Variants in FRY observed in about 807,000 individuals in gnomAD.
The protein encoded by FRY is FRY microtubule binding protein, also known as protein furry homolog.
FRY carries 128 observed loss-of-function variants against 348.4 expected under a neutral mutation model. The observed-to-expected ratio is 0.37, with a 90% CI of 0.32 to 0.43. The LOEUF (loss-of-function observed/expected upper bound fraction) is 0.43, where lower values mean the gene tolerates loss of function less well. Among genes scored for constraint, FRY ranks in the 20% least tolerant of loss-of-function variants. The pLI is 1.00. For missense variants in FRY, 2,736 were observed against 3,695.2 expected (o/e 0.74, Z 6.73); for synonymous variants, 1,370 against 1,374.7 (o/e 1.00, Z 0.08).
intron 17 of FRY, 60 bp downstream of exon 17, chr13:32,161,311 A>G: frequency 9.9e-7 from 1 of 1,014,080 alleles, no homozygotes; most frequent in Non-Finnish European, 1.6e-6. Flanking sequence ...ACTCCTGAAA[A>G]AAAAATAGAA....
intron 7 of FRY, among the ~76,000 whole-genome samples, chr13:32,127,573 CG>C (rs1295978147): frequency 9.2e-5 from 14 of 152,036 alleles, no homozygotes; most frequent in Admixed American, 5.9e-4. Flanking sequence ...GCCAGGAGAT[CG>C]AGACCATCCT....
chr13:32,293,000 G>T (rs1309981953), intron 59 of FRY, among the ~76,000 whole-genome samples: 2 of 152,010 alleles, frequency 1.3e-5, no homozygotes, highest in Non-Finnish European at 2.9e-5. Context: ...TAGCACTGAA[G>T]TGTTTGTTAA....
rs995844604 is a variant in FRY at position 32,205,733 on chromosome 13, G to C, written c.4019-3120G>C. On this transcript the variant is annotated intron_variant, in intron 31 of 60. Transcript: ENST00000542859. ...TGAAAGCCACTGATGAGTTGCAAAC[G>C]AGAAGAGGGAGTATCAAGATTAGAA... Among the ~76,000 whole-genome samples, 2 of 152,216 alleles carry C rather than the reference G, an allele frequency of 1.3e-5. 1 individual carries two copies. Among genetic ancestry groups the C allele is most frequent in the East Asian group, 3.9e-4 (2 of 5,166 alleles).
At chr13:32,044,421 T>G (rs1872910575) in intron 1 of FRY, among the ~76,000 whole-genome samples, 1 of 152,222 alleles carries the variant, frequency 6.6e-6, no homozygotes, top group Non-Finnish European at 1.5e-5. Flanking sequence ...CTGCCATGTT[T>G]CAGCCACAGT....
chr13:32,041,088 G>C (rs957799726), intron 1 of FRY, among the ~76,000 whole-genome samples: 14 of 152,222 alleles, frequency 9.2e-5, no homozygotes, highest in Non-Finnish European at 1.5e-4. Flanking sequence ...TTTACAACTC[G>C]TGTTTACAAG....
chr13:32,038,077 T>A (rs1409231350), intron 1 of FRY, among the ~76,000 whole-genome samples: 1 of 152,232 alleles, frequency 6.6e-6, no homozygotes, highest in Non-Finnish European at 1.5e-5. Flanking sequence ...ACGAGTGAGA[T>A]GCACTGAGTA....
chr13:32,157,451 A>G, intron 16 of FRY, 46 bp downstream of exon 16: 1 of 1,557,190 alleles, frequency 6.4e-7, no homozygotes, highest in Non-Finnish European at 8.9e-7. Context: ...TTAACCAGAA[A>G]ACACAAGTAG....
At chr13:32,170,062 AC>A (rs1881966154) in intron 17 of FRY, among the ~76,000 whole-genome samples, 1 of 152,134 alleles carries the variant, frequency 6.6e-6, no homozygotes, top group Non-Finnish European at 1.5e-5. Context: ...CCTGTACCAC[AC>A]CCCAAGGTGC....
At chr13:32,145,790 C>T (rs1226560369) in intron 11 of FRY, among the ~76,000 whole-genome samples, 9 of 151,380 alleles carry the variant, frequency 5.9e-5, no homozygotes, top group African/African-American at 1.5e-4. Flanking sequence ...ATGATCCACC[C>T]GCCTCGGCCT....
chr13:32,117,380 T>G lies in FRY; in HGVS notation c.371T>G (p.Ile124Ser). ...CTTTCTGAGTACTGCCTGCCTTCCATTCTACGTACATTATTTGACTGGTAT... is the reference window on the plus strand; with the variant it reads ...CTTTCTGAGTACTGCCTGCCTTCCAGTCTACGTACATTATTTGACTGGTAT... ...SSLSEYCLPS[I>S]LRTLFDWYKR... Residue 124 changes from isoleucine to serine, a missense_variant, in exon 4 of 61, where the codon ATT becomes AGT. This residue lies in a region of FRY where 309 missense variants were observed against 418.1 expected (regional missense o/e 0.74). Coordinates refer to ENST00000542859, the MANE Select transcript of FRY (RefSeq NM_023037.3). 1.2e-6 allele frequency: 2 copies of G among 1,613,912 alleles called. No individual in the cohort carries two copies. Among genetic ancestry groups the G allele is most frequent in the Non-Finnish European group, 8.5e-7 (1 of 1,179,804 alleles).
intron 4 of FRY, 74 bp downstream of exon 4, chr13:32,117,547 T>C: frequency 6.7e-7 from 1 of 1,496,738 alleles, no homozygotes; most frequent in Non-Finnish European, 9.3e-7. Flanking sequence ...AAATTAGAGT[T>C]ACAAGGCAAT....
At chr13:32,196,746 G>T (rs2138307508) in intron 29 of FRY, among the ~76,000 whole-genome samples, 1 of 152,226 alleles carries the variant, frequency 6.6e-6, no homozygotes, top group East Asian at 1.9e-4. Context: ...GGTAGAACTG[G>T]CAGTATTAAT....
intron 2 of FRY, among the ~76,000 whole-genome samples, chr13:32,089,636 G>A (rs1035468372): frequency 1.3e-5 from 2 of 152,132 alleles, no homozygotes; most frequent in African/African-American, 4.8e-5. Context: ...TTAGCCAGGC[G>A]TGGTGGCACA....
intron 38 of FRY, 126 bp from the exon 39 acceptor site, chr13:32,225,663 C>A: frequency 2.4e-6 from 2 of 838,586 alleles, no homozygotes; most frequent in Non-Finnish European, 4.1e-6. Flanking sequence ...GTAACCCAAA[C>A]AATAACAAAG....
intron 28 of FRY, among the ~76,000 whole-genome samples, chr13:32,190,113 C>G (rs798956): frequency 0.41 from 61,675 of 151,408 alleles, 12,778 homozygotes; most frequent in African/African-American, 0.43. Context: ...ATGAGAAAAA[C>G]TCCTGGCAAA....
rs79223508 is a variant in FRY at position 32,167,161 on chromosome 13, G to A, written c.1893-3851G>A. Among the ~76,000 whole-genome samples, 43 of 152,318 alleles carry A rather than the reference G, an allele frequency of 2.8e-4. 1 individual carries two copies. Among genetic ancestry groups the A allele is most frequent in the African/African-American group, 9.6e-4 (40 of 41,572 alleles). ...TAAAGGCTTCATGAAAATAGACCAT[G>A]ACATGGCTTTCGTCCTTGGTGCTTG... is the stretch of plus-strand genomic sequence containing the variant. On this transcript the variant is annotated intron_variant, in intron 17 of 60. Coordinates refer to ENST00000542859, the MANE Select transcript of FRY (RefSeq NM_023037.3).
intron 1 of FRY, among the ~76,000 whole-genome samples, chr13:32,058,564 C>T (rs1014421986): frequency 3.3e-5 from 5 of 152,224 alleles, no homozygotes; most frequent in Admixed American, 6.5e-5. Flanking sequence ...CAGCTGACAG[C>T]TGTCACTTAC....
chr13:32,168,805 G>A (rs1387463411), intron 17 of FRY, among the ~76,000 whole-genome samples: 2 of 152,138 alleles, frequency 1.3e-5, no homozygotes, highest in Non-Finnish European at 2.9e-5. Context: ...TTGTCAAACT[G>A]GACCAATTGG....
At chr13:32,097,263 T>C (rs534842533) in intron 2 of FRY, among the ~76,000 whole-genome samples, 38 of 152,124 alleles carry the variant, frequency 2.5e-4, no homozygotes, top group Non-Finnish European at 3.5e-4. Flanking sequence ...TGAGTTATCA[T>C]TTGTCTGAGT....
Sources: allele counts gnomAD v4.1 joint callset (sites outside exome capture counted in the v4.1 genomes callset), GRCh38; gene constraint gnomAD v4.1.1; regional missense constraint gnomAD v4.1.1; transcripts MANE v1.5; gene names NCBI Gene and HGNC (gene_info 2026-07-23, HGNC 2026-07-21).